The following FHIT variants were observed in gnomAD, a reference collection of about 807,000 sequenced individuals.
The protein encoded by FHIT is fragile histidine triad diadenosine triphosphatase, also known as bis(5'-adenosyl)-triphosphatase.
Under a neutral mutation model 17.9 loss-of-function variants are expected in FHIT, and 19 were observed. The ratio of observed to expected loss-of-function variants is 1.06; its 90% CI spans 0.74 to 1.56. The LOEUF is 1.56. Among genes scored for constraint, FHIT ranks in the 40% most tolerant of loss-of-function variants. The pLI is 0.00. For synonymous variants in FHIT, 81 were observed against 69.7 expected, an observed-to-expected ratio of 1.16 and a Z score of -0.81; for missense variants, 248 against 189.2, an observed-to-expected ratio of 1.31 and a Z score of -1.82.
chr3:60,539,778 C>A (rs2036119220), intron 4 of FHIT, among the ~76,000 whole-genome samples: 1 of 151,982 alleles, frequency 6.6e-6, no homozygotes, highest in African/African-American at 2.4e-5. Flanking sequence ...ACATCACACA[C>A]TGGGGCCTGT....
intron 5 of FHIT, among the ~76,000 whole-genome samples, chr3:60,106,496 GA>G (rs745858507): frequency 6.6e-6 from 1 of 152,190 alleles, no homozygotes; most frequent in Non-Finnish European, 1.5e-5. Flanking sequence ...GTGAAAGGAA[GA>G]CATGAACAGA....
rs150837551 is a variant in FHIT, at chr3:60,596,929, A to G, written c.-17-59950T>C. The stretch of plus-strand genomic sequence containing the variant: ...TACTGTATTTGATTTCAGATATTTT[A>G]GTGAAAAAAAATGTGCTTTGAACTA... On this transcript the variant is annotated intron_variant, in intron 4 of 9. Coordinates refer to ENST00000492590, the MANE Select transcript of FHIT (RefSeq NM_002012.4). Among the ~76,000 whole-genome samples, 58 of 152,238 alleles carry G rather than the reference A, an allele frequency of 3.8e-4. 2 individuals carry two copies. The East Asian group carries it at 9.9e-3, about 26-fold the overall frequency.
chr3:60,696,298 A>T (rs539059020), intron 4 of FHIT, among the ~76,000 whole-genome samples: 2 of 152,312 alleles, frequency 1.3e-5, no homozygotes, highest in South Asian at 4.1e-4. Flanking sequence ...CCATACGTTG[A>T]AAAGTGAATT....
chr3:61,248,152 G>T (rs2040530003), intron 1 of FHIT, among the ~76,000 whole-genome samples: 1 of 152,190 alleles, frequency 6.6e-6, no homozygotes, highest in African/African-American at 2.4e-5. Context: ...ATATTTCAAA[G>T]CTGCACTTCT....
chr3:60,062,968 C>A (rs564195806), intron 5 of FHIT, among the ~76,000 whole-genome samples: 13 of 152,130 alleles, frequency 8.5e-5, no homozygotes, highest in African/African-American at 3.1e-4. Context: ...GAAGAGTCAA[C>A]TGAGGAGCAA....
chr3:60,325,285 C>A (rs1463602564), intron 5 of FHIT, among the ~76,000 whole-genome samples: 1 of 152,098 alleles, frequency 6.6e-6, no homozygotes, highest in Non-Finnish European at 1.5e-5. Flanking sequence ...AATTAAATTA[C>A]CATTATTAAG....
At chr3:60,033,930 G>C (rs1269297354) in intron 5 of FHIT, among the ~76,000 whole-genome samples, 1 of 152,146 alleles carries the variant, frequency 6.6e-6, no homozygotes, top group Non-Finnish European at 1.5e-5. Context: ...AATACAAAGA[G>C]GTAGCTTTCA....
intron 8 of FHIT, among the ~76,000 whole-genome samples, chr3:59,914,366 G>T (rs1324293585): frequency 5.9e-5 from 9 of 151,908 alleles, no homozygotes; most frequent in African/African-American, 2.2e-4. Flanking sequence ...ACTCAAGCCG[G>T]GATTCTAAAC....
At chr3:60,116,404 C>A (rs1320717890) in intron 5 of FHIT, among the ~76,000 whole-genome samples, 1 of 152,152 alleles carries the variant, frequency 6.6e-6, no homozygotes, top group African/African-American at 2.4e-5. Flanking sequence ...TGAACTCGAT[C>A]CTCAGCCTTC....
intron 5 of FHIT, among the ~76,000 whole-genome samples, chr3:60,434,860 A>G (rs112888925): frequency 2.4e-4 from 37 of 152,034 alleles, no homozygotes; most frequent in African/African-American, 8.9e-4. Flanking sequence ...CATAGTTTCT[A>G]CTCTTTGGGT....
chr3:60,560,608 G>C (rs767870620), intron 4 of FHIT, among the ~76,000 whole-genome samples: 3 of 152,038 alleles, frequency 2.0e-5, no homozygotes, highest in African/African-American at 7.2e-5. Context: ...GTTGAAAATG[G>C]AAATGGGAAG....
At chr3:61,091,936 TAAAAAAAAAAAAAAAAA>T (rs58005720) in intron 2 of FHIT, among the ~76,000 whole-genome samples, 6 of 61,300 alleles carry the variant, frequency 9.8e-5, no homozygotes, top group East Asian at 5.0e-4. Context: ...AGACCTTGTC[TAAAAAAAAAAAAAAAAA>T]AAAAAAAAAA....
At chr3:60,620,635 G>A (rs1006173907) in intron 4 of FHIT, among the ~76,000 whole-genome samples, 2 of 151,996 alleles carry the variant, frequency 1.3e-5, no homozygotes, top group African/African-American at 4.8e-5. Flanking sequence ...GGTTTGCAAG[G>A]GCTCAGAGGA....
At chr3:60,823,131 A>G (rs2594139) in intron 3 of FHIT, among the ~76,000 whole-genome samples, 63,268 of 151,990 alleles carry the variant, frequency 0.42, 13,800 homozygotes, top group East Asian at 0.75. Context: ...TATAGCAGTG[A>G]ACATAATAGT....
chr3:60,553,417 T>C (rs989864148), intron 4 of FHIT: 4 of 957,012 alleles, frequency 4.2e-6, no homozygotes, highest in African/African-American at 1.8e-5. Context: ...AGACCTTTTA[T>C]GCAAAAAGAG....
At chr3:60,050,651 A>G (rs11926327) in intron 5 of FHIT, among the ~76,000 whole-genome samples, 27,804 of 152,132 alleles carry the variant, frequency 0.18, 3,124 homozygotes, top group African/African-American at 0.32. Flanking sequence ...AGTCTCACAG[A>G]TTCTACTCTC....
chr3:59,954,224 TTTTTTTC>T (rs1323222459), intron 7 of FHIT, among the ~76,000 whole-genome samples: 1 of 150,372 alleles, frequency 6.7e-6, no homozygotes, highest in African/African-American at 2.4e-5. Context: ...TTGTTCTGTT[TTTTTTTC>T]TTTTTTTTCC....
At chr3:60,365,028 G>T (rs911853791) in intron 5 of FHIT, among the ~76,000 whole-genome samples, 2 of 149,534 alleles carry the variant, frequency 1.3e-5, no homozygotes, top group Non-Finnish European at 3.0e-5. Context: ...ATATATGTTT[G>T]TATGTATGTA....
Position 60,189,247 on chromosome 3 carries a change from G to A in FHIT, c.104-175095C>T, listed in dbSNP as rs116423201. Among the ~76,000 whole-genome samples the A allele has an allele frequency of 4.0e-5, 6 of 151,430 alleles. No homozygotes were observed. In the South Asian group the frequency reaches 8.4e-4, roughly 21 times the overall value. On this transcript the variant is annotated intron_variant, in intron 5 of 9. Transcript: ENST00000492590. ...CAATTTAGAAGCTGGGGGTGGGGGG[G>A]AAAGAGGAGAAAGAAAAGAAAAGCT...
Sources: allele counts gnomAD v4.1 joint callset (sites outside exome capture counted in the v4.1 genomes callset), GRCh38; gene constraint gnomAD v4.1.1; transcripts MANE v1.5; gene names NCBI Gene and HGNC (gene_info 2026-07-23, HGNC 2026-07-21).